TMC2: variants seen among roughly 807,000 people sequenced by gnomAD.
The protein encoded by TMC2 is transmembrane channel-like protein 2.
Under a neutral mutation model 105.9 loss-of-function variants are expected in TMC2, and 102 were observed. The ratio of observed to expected loss-of-function variants is 0.96; its 90% confidence interval spans 0.82 to 1.14. The LOEUF is 1.14. Among genes scored for constraint, TMC2 ranks in the 50% most tolerant of loss-of-function variants. The pLI, the probability that TMC2 is intolerant of heterozygous loss-of-function variation, is 0.00. For missense variants in TMC2, 1,093 were observed against 1,134.3 expected (o/e 0.96, Z 0.52); for synonymous variants, 402 against 422.8 (o/e 0.95, Z 0.60).
At chr20:2,580,171 T>A in intron 7 of TMC2, 115 bp downstream of exon 7, 1 of 554,448 alleles carries the variant, frequency 1.8e-6, no homozygotes, top group South Asian at 3.5e-5. Context: ...TTTAAAATGC[T>A]ATTAGGCTGG....
rs745960894 is a variant in TMC2, at chr20:2,613,249, T to G, written c.1799T>G (p.Leu600Arg). 3.1e-6 allele frequency: 5 copies of G among 1,614,054 alleles called. No homozygotes were observed. The Admixed American group carries it at 8.3e-5, about 27-fold the overall frequency. Reference sequence around the variant, plus strand: ...CTGGTAACGTACATCACCATCCTGCTGGGGGACTTCCTACGGGCTTGTTTT... The same window carrying G: ...CTGGTAACGTACATCACCATCCTGCGGGGGGACTTCCTACGGGCTTGTTTT... ...DMLVTYITILLGDFLRACFVR... is the reference protein window; with the variant it reads ...DMLVTYITILRGDFLRACFVR... The change falls in exon 14 of 20, where the codon CTG (leucine) becomes CGG (arginine). Residue 600 changes from leucine to arginine, a missense_variant. Leu to Arg is a moderately radical substitution (Grantham distance 102). Transcript: ENST00000358864.
rs1048150859 is a variant in TMC2 at position 2,642,637 on chromosome 20, G to A, written c.*1286G>A. Among the ~76,000 whole-genome samples the A allele has an allele frequency of 1.3e-5, 2 of 152,130 alleles. No individual in the cohort carries two copies. Among genetic ancestry groups the A allele is most frequent in the African/African-American group, 4.8e-5 (2 of 41,420 alleles). Reference sequence around the variant, plus strand: ...ATTTCTTAGGGGGAAGAAGCCAGGGGCCAGACCATTAAGAAGGCCTTGATG... The same window carrying A: ...ATTTCTTAGGGGGAAGAAGCCAGGGACCAGACCATTAAGAAGGCCTTGATG... On this transcript the variant is annotated 3_prime_UTR_variant, in exon 20 of 20. Transcript: ENST00000358864.
At position 2,616,055 on chromosome 20, in the gene TMC2, G is replaced by T; in HGVS notation, c.1873-82G>T. ...TGGAATGGCCTTGGCTTGGCCAGTT[G>T]GTTGGTAGTAGGGTTTGGCTGAATT... On this transcript the variant is annotated intron_variant, in intron 14 of 19. Transcript: ENST00000358864. The surrounding 1 kb of genome is among the most constrained non-coding windows in gnomAD (Gnocchi z 4.8). 3 of 1,132,916 alleles carry T rather than the reference G, an allele frequency of 2.6e-6. No homozygotes were observed. Among genetic ancestry groups the T allele is most frequent in the African/African-American group, 1.5e-5 (1 of 64,848 alleles). 70.2% of individuals were successfully genotyped at this position (1,132,916 alleles called of 1,614,324 possible). A position where few individuals can be genotyped will look rare whatever the true frequency, so the allele number is the denominator to read the frequency against.
At chr20:2,583,966 C>T (rs548064242) in intron 7 of TMC2, among the ~76,000 whole-genome samples, 1 of 152,132 alleles carries the variant, frequency 6.6e-6, no homozygotes, top group South Asian at 2.1e-4. Context: ...TGTTATATAG[C>T]AGTAGATGAC....
At chr20:2,630,295 A>C (rs1473072704) in intron 17 of TMC2, among the ~76,000 whole-genome samples, 1 of 152,162 alleles carries the variant, frequency 6.6e-6, no homozygotes, top group Non-Finnish European at 1.5e-5. Flanking sequence ...AAAGCATTGA[A>C]TTTCCAGCTA....
intron 7 of TMC2, among the ~76,000 whole-genome samples, chr20:2,580,480 A>G (rs1260310614): frequency 6.6e-6 from 1 of 152,002 alleles, no homozygotes; most frequent in East Asian, 1.9e-4. Flanking sequence ...TTTTTCTTTT[A>G]CTCTCAGAAA....
In TMC2 at chr20:2,638,537, A is replaced by G. The variant is rs1020832732; in HGVS notation, c.2503+946A>G. On this transcript the variant is annotated intron_variant, in intron 19 of 19. Coordinates refer to ENST00000358864, the MANE Select transcript of TMC2 (RefSeq NM_080751.3). Reference sequence around the variant, plus strand: ...TAAAACAGCCTCAGGCAGGTCCTTCAGGAGCTATTCCAGAAGAAGGTGTTG... The same window carrying G: ...TAAAACAGCCTCAGGCAGGTCCTTCGGGAGCTATTCCAGAAGAAGGTGTTG... 2.7e-5 allele frequency among the ~76,000 whole-genome samples: 4 copies of G among 150,722 alleles called. No individual in the cohort carries two copies. In the East Asian group the frequency reaches 8.3e-4, roughly 31 times the overall value.
intron 4 of TMC2, among the ~76,000 whole-genome samples, chr20:2,564,674 AG>A (rs1176959633): frequency 1.3e-5 from 2 of 152,284 alleles, no homozygotes; most frequent in East Asian, 3.9e-4. Context: ...ACAATCCCTG[AG>A]GGCTCCTCAG....
chr20:2,556,831 T>C (rs1255204251), intron 2 of TMC2, among the ~76,000 whole-genome samples: 1 of 152,106 alleles, frequency 6.6e-6, no homozygotes, highest in Non-Finnish European at 1.5e-5. Flanking sequence ...TCTTCCTCAC[T>C]TTTGAAGAAT....
At chr20:2,556,826 C>T (rs185585671) in intron 2 of TMC2, among the ~76,000 whole-genome samples, 2 of 151,546 alleles carry the variant, frequency 1.3e-5, no homozygotes, top group Non-Finnish European at 2.9e-5. Context: ...GTCTATCTTC[C>T]TCACTTTTGA....
rs2146210810 is a variant in TMC2, at chr20:2,592,470, G to A, written c.933+62G>A. On this transcript the variant is annotated intron_variant, in intron 8 of 19. Transcript: ENST00000358864. The surrounding 1 kb of genome is among the most constrained non-coding windows in gnomAD (Gnocchi z 4.9). ...GATTATAAAGGCTAAAGATTGCATG[G>A]ATAAGTATGAAATAGTGCGTTTAAT... 8.8e-7 allele frequency: 1 copy of A among 1,131,350 alleles called. No individual in the cohort carries two copies. The highest frequency in any genetic ancestry group is 1.4e-6 in the Non-Finnish European group (1 of 740,242). 70.1% of individuals were successfully genotyped at this position (1,131,350 alleles called of 1,614,324 possible).
At chr20:2,628,532 A>G (rs550704302) in intron 17 of TMC2, among the ~76,000 whole-genome samples, 1 of 152,286 alleles carries the variant, frequency 6.6e-6, no homozygotes, top group East Asian at 1.9e-4. Context: ...GGCGGGGCCA[A>G]GTGGAGGTAA....
intron 2 of TMC2, among the ~76,000 whole-genome samples, chr20:2,545,522 C>A (rs2085916944): frequency 6.6e-6 from 1 of 152,058 alleles, no homozygotes; most frequent in Admixed American, 6.6e-5. Context: ...TCACTGGGGG[C>A]CATTCAGTCA....
intron 13 of TMC2, 34 bp downstream of exon 13, chr20:2,612,374 T>C: frequency 6.7e-7 from 1 of 1,484,454 alleles, no homozygotes; most frequent in Non-Finnish European, 9.0e-7. Flanking sequence ...AGGTGACCCC[T>C]GTTCTCAGTT....
At chr20:2,635,276 A>G (rs546201823) in intron 17 of TMC2, among the ~76,000 whole-genome samples, 67 of 152,302 alleles carry the variant, frequency 4.4e-4, no homozygotes, top group Non-Finnish European at 8.1e-4. Context: ...CAGACATGCT[A>G]GGGCACTCTG....
intron 11 of TMC2, among the ~76,000 whole-genome samples, chr20:2,608,670 T>G (rs2086412467): frequency 6.6e-6 from 1 of 152,170 alleles, no homozygotes; most frequent in Non-Finnish European, 1.5e-5. Flanking sequence ...CCATCTTCAC[T>G]AAACTGCAGC....
chr20:2,598,379 C>G (rs1197498707), intron 10 of TMC2, among the ~76,000 whole-genome samples: 1 of 149,984 alleles, frequency 6.7e-6, no homozygotes, highest in East Asian at 2.0e-4. Flanking sequence ...GGTTCCTTCA[C>G]AGACCTTGCC....
In TMC2 at chr20:2,643,022, C is replaced by T. The variant is rs2086699033; in HGVS notation, c.*1671C>T. Among the ~76,000 whole-genome samples the T allele has an allele frequency of 1.3e-5, 2 of 152,146 alleles. No individual in the cohort carries two copies. Among genetic ancestry groups the T allele is most frequent in the Non-Finnish European group, 2.9e-5 (2 of 68,022 alleles). ...TTCTAACTTCCCTCCCAAATCCCTT[C>T]CCTTCTCAATCCAGCACCAAAACTT... On this transcript the variant is annotated 3_prime_UTR_variant, in exon 20 of 20. Coordinates refer to ENST00000358864, the MANE Select transcript of TMC2 (RefSeq NM_080751.3).
In TMC2 at chr20:2,624,333, T is replaced by A; in HGVS notation, c.2243T>A (p.Leu748Gln). 1 of 1,614,194 alleles carries A rather than the reference T, an allele frequency of 6.2e-7. No individual in the cohort carries two copies. The highest frequency in any genetic ancestry group is 8.5e-7 in the Non-Finnish European group (1 of 1,180,032). ...ATTGAAAACGATTTCCCAACCTTCC[T>A]GGGCAAGATCTTTGCTTTCCTCGCC... ...ETIENDFPTF[L>Q]GKIFAFLANP... Residue 748 changes from leucine to glutamine, a missense_variant, in exon 17 of 20, where the codon CTG (leucine) becomes CAG (glutamine). Coordinates refer to ENST00000358864, the MANE Select transcript of TMC2 (RefSeq NM_080751.3).
Sources: allele counts gnomAD v4.1 joint callset (sites outside exome capture counted in the v4.1 genomes callset), GRCh38; gene constraint gnomAD v4.1.1; non-coding constraint Gnocchi (gnomAD v3.1); transcripts MANE v1.5; gene names NCBI Gene and HGNC (gene_info 2026-07-23, HGNC 2026-07-21).